The following CABLES1 variants were observed in gnomAD, a reference collection of about 807,000 sequenced individuals.
CABLES1 encodes CDK5 and ABL1 enzyme substrate 1.
In CABLES1, 36 loss-of-function variants were observed where a neutral mutation model predicts 57.8. That is an observed-to-expected ratio of 0.62 (90% CI 0.48 to 0.82). CABLES1 has a LOEUF of 0.82. CABLES1 is among the 40% of genes least tolerant of loss of function. CABLES1 has a pLI of 0.00. For synonymous variants in CABLES1, 374 were observed against 363.0 expected (o/e 1.03, Z -0.35); for missense variants, 767 against 836.6 (o/e 0.92, Z 1.03).
At chr18:23,255,577 T>TTTTTA (rs2048143340) in intron 9 of CABLES1, among the ~76,000 whole-genome samples, 1 of 144,332 alleles carries the variant, frequency 6.9e-6, no homozygotes, top group African/African-American at 2.6e-5. Context: ...TTTTTTTTTT[T>TTTTTA]GAGACAGGGT....
At chr18:23,148,636 G>T (rs2046908485) in intron 1 of CABLES1, among the ~76,000 whole-genome samples, 1 of 152,194 alleles carries the variant, frequency 6.6e-6, no homozygotes, top group South Asian at 2.1e-4. Flanking sequence ...GCTGGACTCT[G>T]GGGCAGCCGG....
At chr18:23,224,944 T>G (rs1237058175) in intron 4 of CABLES1, among the ~76,000 whole-genome samples, 1 of 152,144 alleles carries the variant, frequency 6.6e-6, no homozygotes, top group Non-Finnish European at 1.5e-5. Context: ...CTCAGCTCAC[T>G]GCAGCCTTGA....
chr18:23,179,143 G>A (rs750223676), intron 1 of CABLES1, among the ~76,000 whole-genome samples: 7 of 152,016 alleles, frequency 4.6e-5, no homozygotes, highest in African/African-American at 1.4e-4. Context: ...AAAATTAGTC[G>A]GGTATTGTGG....
intron 4 of CABLES1, among the ~76,000 whole-genome samples, chr18:23,228,427 G>A (rs2047543477): frequency 6.6e-6 from 1 of 152,182 alleles, no homozygotes; most frequent in Non-Finnish European, 1.5e-5. Flanking sequence ...CTGTGCATGT[G>A]TGCTTTGTGC....
In CABLES1 at chr18:23,151,615, G is replaced by A. The variant is rs142639664; in HGVS notation, c.845+15008G>A. ...AGATGGAAGACTGCAGGCCTGGGGT[G>A]AGTCACAGAGCGGGGACAGCCTTGA... is the stretch of plus-strand genomic sequence containing the variant. On this transcript the variant is annotated intron_variant, in intron 1 of 9. Transcript: ENST00000256925. Among the ~76,000 whole-genome samples, 67 of 152,322 alleles carry A rather than the reference G, an allele frequency of 4.4e-4. 1 individual carries two copies. Among genetic ancestry groups the A allele is most frequent in the African/African-American group, 1.4e-3 (59 of 41,572 alleles).
At chr18:23,136,722 C>A in intron 1 of CABLES1, 115 bp downstream of exon 1, 1 of 661,700 alleles carries the variant, frequency 1.5e-6, no homozygotes, top group Non-Finnish European at 2.2e-6. Flanking sequence ...CGCGCCCTGC[C>A]GGATCCTGTG....
intron 7 of CABLES1, among the ~76,000 whole-genome samples, chr18:23,245,261 G>A (rs964498173): frequency 1.9e-4 from 29 of 152,096 alleles, no homozygotes; most frequent in Non-Finnish European, 7.4e-5. Flanking sequence ...TAACCCCAAC[G>A]CTTTGGGAGG....
intron 1 of CABLES1, among the ~76,000 whole-genome samples, chr18:23,182,909 A>G (rs1242242254): frequency 2.0e-5 from 3 of 152,202 alleles, no homozygotes; most frequent in Non-Finnish European, 2.9e-5. Flanking sequence ...CGCTTTCTTC[A>G]GGGCACTCTG....
At chr18:23,173,452 T>C (rs2047098123) in intron 1 of CABLES1, among the ~76,000 whole-genome samples, 1 of 152,214 alleles carries the variant, frequency 6.6e-6, no homozygotes, top group African/African-American at 2.4e-5. Context: ...ACCAGATCCA[T>C]AGTTTTCAAA....
chr18:23,172,966 T>G lies in CABLES1; in HGVS notation c.846-15872T>G, dbSNP rs915984478. ...AGTTCTCCTGAAAACTGGATCAGGC[T>G]TTTTAAAAGGGAGCAATTTGCAAGG... On this transcript the variant is annotated intron_variant, in intron 1 of 9. Coordinates refer to ENST00000256925, the MANE Select transcript of CABLES1 (RefSeq NM_001100619.3). 2.0e-5 allele frequency among the ~76,000 whole-genome samples: 3 copies of G among 152,330 alleles called. No homozygotes were observed. The East Asian group carries it at 5.8e-4, about 29-fold the overall frequency.
intron 3 of CABLES1, among the ~76,000 whole-genome samples, chr18:23,196,161 G>A (rs1397984941): frequency 6.6e-6 from 1 of 152,218 alleles, no homozygotes; most frequent in Non-Finnish European, 1.5e-5. Flanking sequence ...CTTGACCTAA[G>A]AGAACGTAAA....
chr18:23,147,859 G>A (rs758519467), intron 1 of CABLES1, among the ~76,000 whole-genome samples: 16 of 152,102 alleles, frequency 1.1e-4, no homozygotes, highest in African/African-American at 3.4e-4. Flanking sequence ...CGCAGCCCAC[G>A]TGGGGCACAT....
At chr18:23,164,319 C>T (rs760447014) in intron 1 of CABLES1, among the ~76,000 whole-genome samples, 5 of 152,304 alleles carry the variant, frequency 3.3e-5, no homozygotes, top group African/African-American at 4.8e-5. Flanking sequence ...GGTCCCTCCT[C>T]GGGTCGACGT....
chr18:23,211,623 C>T (rs1208830943), intron 3 of CABLES1, among the ~76,000 whole-genome samples: 1 of 152,224 alleles, frequency 6.6e-6, no homozygotes, highest in Non-Finnish European at 1.5e-5. Context: ...CCCAGTCACG[C>T]CCCCAAGGGG....
intron 3 of CABLES1, among the ~76,000 whole-genome samples, chr18:23,212,925 C>G (rs2047415146): frequency 6.6e-6 from 1 of 152,106 alleles, no homozygotes; most frequent in African/African-American, 2.4e-5. Flanking sequence ...AAGTATAAAA[C>G]AGCAGGATAG....
At chr18:23,249,004 A>ACTGGCG (rs2047972754) in intron 7 of CABLES1, among the ~76,000 whole-genome samples, 1 of 152,154 alleles carries the variant, frequency 6.6e-6, no homozygotes, top group Non-Finnish European at 1.5e-5. Context: ...GACTTGGGAA[A>ACTGGCG]CTGGCGCTGG....
At chr18:23,142,563 G>A (rs1184878034) in intron 1 of CABLES1, among the ~76,000 whole-genome samples, 1 of 152,218 alleles carries the variant, frequency 6.6e-6, no homozygotes, top group Non-Finnish European at 1.5e-5. Context: ...AGGTTGCAGT[G>A]TTATCTGTCA....
intron 7 of CABLES1, among the ~76,000 whole-genome samples, chr18:23,247,331 C>T (rs2047921494): frequency 6.6e-6 from 1 of 152,240 alleles, no homozygotes; most frequent in African/African-American, 2.4e-5. Flanking sequence ...CCCTCTGGAA[C>T]CTGCCTGGAA....
chr18:23,193,010 C>T (rs1255604700), intron 2 of CABLES1, among the ~76,000 whole-genome samples: 2 of 152,050 alleles, frequency 1.3e-5, no homozygotes, highest in African/African-American at 2.4e-5. Flanking sequence ...CACTGCATTC[C>T]AGCCTGGGCG....
Sources: allele counts gnomAD v4.1 joint callset (sites outside exome capture counted in the v4.1 genomes callset), GRCh38; gene constraint gnomAD v4.1.1; transcripts MANE v1.5; gene names NCBI Gene and HGNC (gene_info 2026-07-23, HGNC 2026-07-21).